CELF2: variants seen among roughly 807,000 people sequenced by gnomAD.
CELF2 encodes the protein CUG triplet repeat RNA-binding protein 2.
CELF2 carries 8 observed loss-of-function variants against 62.6 expected under a neutral mutation model. The observed-to-expected ratio is 0.13, with a 90% CI of 0.07 to 0.23. The LOEUF (loss-of-function observed/expected upper bound fraction) is 0.23, where lower values mean the gene tolerates loss of function less well. CELF2 is among the 10% of genes least tolerant of loss of function. CELF2 has a pLI of 1.00. For missense variants in CELF2, 333 were observed against 671.0 expected, an observed-to-expected ratio of 0.50 and a Z score of 5.56; for synonymous variants, 258 against 250.0, an observed-to-expected ratio of 1.03 and a Z score of -0.30.
the CELF2 span, among the ~76,000 whole-genome samples, chr10:10,572,194 A>C: frequency 1.3e-3 from 204 of 152,158 alleles, no homozygotes; most frequent in African/African-American, 4.6e-3. Flanking sequence ...TTAAATATAA[A>C]GGGAATTCAG....
chr10:11,142,227 T>G (rs1564914923), intron 1 of CELF2, among the ~76,000 whole-genome samples: 1 of 152,218 alleles, frequency 6.6e-6, no homozygotes, highest in Non-Finnish European at 1.5e-5. Context: ...AATTCTGATT[T>G]GGAAACGAAT....
At position 11,336,511 on chromosome 10, in the gene CELF2, A is replaced by G. The variant is rs1401288197; in HGVS notation, c.*7458A>G. On this transcript the variant is annotated 3_prime_UTR_variant, in exon 13 of 13. Coordinates refer to ENST00000633077, the MANE Select transcript of CELF2 (RefSeq NM_001326342.2). The surrounding 1 kb of genome is among the most constrained non-coding windows in gnomAD (Gnocchi z 5.4). The stretch of plus-strand genomic sequence containing the variant: ...CTCGATTTCTTAAATAAAGCTTAAG[A>G]AAGGACTCTGTTGTGTGTAAAGTTA... 1 of 152,662 alleles carries G rather than the reference A, an allele frequency of 6.6e-6. No individual in the cohort carries two copies. Among genetic ancestry groups the G allele is most frequent in the Non-Finnish European group, 1.5e-5 (1 of 68,036 alleles). 9.5% of individuals were successfully genotyped at this position (152,662 alleles called of 1,614,324 possible).
the CELF2 span, among the ~76,000 whole-genome samples, chr10:10,507,299 TACTC>T: frequency 2.7e-3 from 5 of 1,844 alleles, no homozygotes; most frequent in Admixed American, 0.024. Flanking sequence ...CATCCGGAAA[TACTC>T]ACACCTAAAT....
the CELF2 span, among the ~76,000 whole-genome samples, chr10:10,649,774 G>C: frequency 6.6e-6 from 1 of 152,158 alleles, no homozygotes; most frequent in Non-Finnish European, 1.5e-5. Flanking sequence ...ACTGCAGAAG[G>C]ACCCGCGTGT....
intron 1 of CELF2, among the ~76,000 whole-genome samples, chr10:11,107,782 TC>T (rs1446650253): frequency 6.8e-6 from 1 of 147,214 alleles, no homozygotes; most frequent in African/African-American, 2.5e-5. Flanking sequence ...CTCTCATTCT[TC>T]CTTTCCCCTT....
At position 11,329,328 on chromosome 10, in the gene CELF2, CCTT is replaced by C. The variant is rs1478749071; in HGVS notation, c.*276_*278del. ...GTTTTGCGATTTGAATCTCCTTTTA[CCTT>C]TTTTTTTAATTTTTTTCATTTTTGC... On this transcript the variant is annotated 3_prime_UTR_variant, in exon 13 of 13. Transcript: ENST00000633077. This position sits in a 1 kb window ranked among gnomAD's most constrained non-coding sequence, Gnocchi z 5.5. The C allele has an allele frequency of 4.1e-6, 1 of 243,264 alleles. No homozygotes were observed. The allele number at this position is 243,264 out of a possible 1,614,324, so 15.1% of individuals were successfully genotyped here. A position where few individuals can be genotyped will look rare whatever the true frequency, so the allele number is the denominator to read the frequency against.
chr10:10,788,073 T>C, the CELF2 span, among the ~76,000 whole-genome samples: 2 of 152,180 alleles, frequency 1.3e-5, no homozygotes, highest in East Asian at 1.9e-4. Context: ...TTGCTGAAAA[T>C]GAGGCCAAAA....
In CELF2 at chr10:10,829,175, G is replaced by A. The variant is rs548987124; in HGVS notation, c.53+30358G>A. 7.2e-5 allele frequency among the ~76,000 whole-genome samples: 11 copies of A among 152,252 alleles called. No homozygotes were observed. The East Asian group carries it at 9.6e-4, about 13-fold the overall frequency. On this transcript the variant is annotated intron_variant, in intron 1 of 13. Transcript: ENST00000636488. ...TTGTCACTGTCCTATGGACTGATAC[G>A]TATCTTGAATATTGACTTGCAAACC...
chr10:10,694,188 T>C, the CELF2 span, among the ~76,000 whole-genome samples: 1 of 152,078 alleles, frequency 6.6e-6, no homozygotes, highest in Non-Finnish European at 1.5e-5. Flanking sequence ...TTTCAATGCG[T>C]CCCAGAGATT....
chr10:10,842,982 G>A lies in CELF2; in HGVS notation c.53+44165G>A, dbSNP rs1029894452. On this transcript the variant is annotated intron_variant, in intron 1 of 13. Coordinates refer to the CELF2 transcript ENST00000636488. ...TTATTAATTTCTTTAGTAAATATAG[G>A]GCTATTCAGATTGTCTGTTTCTCCT... is the stretch of plus-strand genomic sequence containing the variant. Among the ~76,000 whole-genome samples, 5 of 152,032 alleles carry A rather than the reference G, an allele frequency of 3.3e-5. No homozygotes were observed. In the East Asian group the frequency reaches 7.7e-4, roughly 24 times the overall value.
In CELF2 at chr10:11,244,174, T is replaced by C. The variant is rs1565513446; in HGVS notation, c.355-4979T>C. Among the ~76,000 whole-genome samples, 1 of 152,234 alleles carries C rather than the reference T, an allele frequency of 6.6e-6. No individual in the cohort carries two copies. The highest frequency in any genetic ancestry group is 1.5e-5 in the Non-Finnish European group (1 of 68,044). On this transcript the variant is annotated intron_variant, in intron 3 of 12. Transcript: ENST00000633077. The surrounding 1 kb of genome is among the most constrained non-coding windows in gnomAD (Gnocchi z 4.2). The stretch of plus-strand genomic sequence containing the variant: ...TGACCCCACTCATTTCATCATTAGC[T>C]CTTGAGAAGGGTGCTCAGGGTGTGG...
the CELF2 span, among the ~76,000 whole-genome samples, chr10:10,670,798 A>G: frequency 6.6e-6 from 1 of 151,882 alleles, no homozygotes; most frequent in African/African-American, 2.4e-5. Flanking sequence ...TACTGTCTCC[A>G]TAGTTTTGCC....
intron 1 of CELF2, among the ~76,000 whole-genome samples, chr10:10,839,630 G>T (rs1379638806): frequency 6.6e-6 from 1 of 152,182 alleles, no homozygotes; most frequent in Non-Finnish European, 1.5e-5. Context: ...CATAGCCTTT[G>T]GTGAGGTTGC....
the CELF2 span, among the ~76,000 whole-genome samples, chr10:10,471,711 GA>G: frequency 4.6e-5 from 7 of 151,526 alleles, no homozygotes; most frequent in African/African-American, 1.5e-4. Context: ...GAATTTAAGA[GA>G]AAAAAATATG....
chr10:10,477,596 C>T, the CELF2 span, among the ~76,000 whole-genome samples: 11 of 152,014 alleles, frequency 7.2e-5, no homozygotes, highest in South Asian at 2.1e-4. Context: ...TTTTCTAGGC[C>T]GAGTGCTGTT....
intron 2 of CELF2, among the ~76,000 whole-genome samples, chr10:10,954,132 G>C (rs955741295): frequency 6.6e-6 from 1 of 151,624 alleles, no homozygotes; most frequent in African/African-American, 2.4e-5. Flanking sequence ...ATGATGGGGT[G>C]AGAAACAGCC....
chr10:11,261,603 A>T (rs1371219483), intron 5 of CELF2, among the ~76,000 whole-genome samples: 1 of 151,926 alleles, frequency 6.6e-6, no homozygotes, highest in South Asian at 2.1e-4. Context: ...AGATCCAAGG[A>T]CTCTTCCTGG....
chr10:10,682,432 T>C, the CELF2 span, among the ~76,000 whole-genome samples: 2 of 152,202 alleles, frequency 1.3e-5, no homozygotes, highest in African/African-American at 4.8e-5. Context: ...TGTGCTTCAT[T>C]ACTTCTATTT....
chr10:11,283,035 T>C (rs1031626946), intron 8 of CELF2, among the ~76,000 whole-genome samples: 3 of 152,322 alleles, frequency 2.0e-5, no homozygotes, highest in Admixed American at 1.3e-4. Context: ...CCTGAGTAGC[T>C]GGAACTATAG....
Sources: allele counts gnomAD v4.1 joint callset (sites outside exome capture counted in the v4.1 genomes callset), GRCh38; gene constraint gnomAD v4.1.1; non-coding constraint Gnocchi (gnomAD v3.1); transcripts MANE v1.5; gene names NCBI Gene and HGNC (gene_info 2026-07-23, HGNC 2026-07-21).